CARD9: variants seen among roughly 807,000 people sequenced by gnomAD.
The protein encoded by CARD9 is caspase recruitment domain-containing protein 9.
In CARD9, 53 loss-of-function variants were observed where a neutral mutation model predicts 66.0. That is an observed-to-expected ratio of 0.80 (90% CI 0.64 to 1.01). The LOEUF is 1.01. CARD9 is among the 50% of genes least tolerant of loss of function. The pLI, the probability that CARD9 is intolerant of heterozygous loss-of-function variation, is 0.00. For missense variants in CARD9, 769 were observed against 743.2 expected, an observed-to-expected ratio of 1.03 and a Z score of -0.40; for synonymous variants, 387 against 313.8, an observed-to-expected ratio of 1.23 and a Z score of -2.47.
At chr9:136,372,722 C>T (rs1009896646) in intron 1 of CARD9, among the ~76,000 whole-genome samples, 8 of 152,244 alleles carry the variant, frequency 5.3e-5, no homozygotes, top group Non-Finnish European at 8.8e-5. Flanking sequence ...CAAGAGTGGC[C>T]ACCCAGCCCT....
chr9:136,372,632 G>GAC, intron 1 of CARD9, among the ~76,000 whole-genome samples: 1 of 152,344 alleles, frequency 6.6e-6, no homozygotes, highest in Middle Eastern at 3.4e-3. Flanking sequence ...GTTCTTGTGG[G>GAC]ACTTCCTCAT....
At chr9:136,367,379 G>GC in intron 8 of CARD9, 122 bp from the exon 9 acceptor site, 2 of 1,188,328 alleles carry the variant, frequency 1.7e-6, no homozygotes, top group Non-Finnish European at 2.4e-6. Context: ...GCCACACCAG[G>GC]CCCCCTCCAT....
At chr9:136,365,495 G>C in intron 10 of CARD9, 1 of 544,954 alleles carries the variant, frequency 1.8e-6, no homozygotes. Flanking sequence ...TGCCAGGGAG[G>C]AACGCCTCCC....
At chr9:136,368,843 G>A (rs1456032921) in intron 7 of CARD9, among the ~76,000 whole-genome samples, 3 of 150,484 alleles carry the variant, frequency 2.0e-5, no homozygotes, top group Admixed American at 6.6e-5. Flanking sequence ...TTTTTGAGAC[G>A]GAGTCTCGCT....
chr9:136,371,500 GCGAGGCAGAGGGCTGGGGT>G, intron 2 of CARD9, 39 bp from the exon 3 acceptor site: 4 of 1,547,508 alleles, frequency 2.6e-6, no homozygotes, highest in Non-Finnish European at 8.8e-7. Flanking sequence ...CGGGGCACAG[GCGAGGCAGAGGGCTGGGGT>G]GGGTGGGCCT....
chr9:136,365,091 G>A (rs747901751), intron 11 of CARD9, 50 bp downstream of exon 11: 17 of 1,583,274 alleles, frequency 1.1e-5, no homozygotes, highest in Non-Finnish European at 1.4e-5. Context: ...CCTGTGATCG[G>A]TCACCCTGAG....
At chr9:136,372,135 TG>T in intron 1 of CARD9, 41 bp from the exon 2 acceptor site, 4 of 1,604,812 alleles carry the variant, frequency 2.5e-6, no homozygotes, top group Non-Finnish European at 3.4e-6. Flanking sequence ...TGCCGGCTCC[TG>T]CCCCCACCCG....
rs1385668234 is a variant in CARD9 at position 136,364,073 on chromosome 9, G to C, written c.*229C>G. The C allele has an allele frequency of 5.2e-6, 8 of 1,547,416 alleles. No homozygotes were observed. Reference sequence around the variant, plus strand: ...CAGATCCTGAAGTTACACAGATGGCGTGTGCATGGGGGTGGTGAGCACCCG... The same window carrying C: ...CAGATCCTGAAGTTACACAGATGGCCTGTGCATGGGGGTGGTGAGCACCCG... On this transcript the variant is annotated 3_prime_UTR_variant, in exon 13 of 13. Coordinates refer to ENST00000371732, the MANE Select transcript of CARD9 (RefSeq NM_052813.5).
chr9:136,366,726 G>A, intron 10 of CARD9, 74 bp downstream of exon 10: 8 of 1,502,820 alleles, frequency 5.3e-6, no homozygotes, highest in Non-Finnish European at 7.4e-6. Flanking sequence ...TGCGGCACGG[G>A]CTGCCTGTGC....
In CARD9 at chr9:136,369,880, A is replaced by G; in HGVS notation, c.952-5T>C. 1 of 1,611,450 alleles carries G rather than the reference A, an allele frequency of 6.2e-7. No individual in the cohort carries two copies. The highest frequency in any genetic ancestry group is 1.1e-5 in the South Asian group (1 of 91,072). ...CATCTCCTTCTCCTCCATGCACTGC[A>G]GGGGGCGGCAGCTCAGCCCCCACAG... On this transcript the variant is annotated splice_polypyrimidine_tract_variant and splice_region_variant and intron_variant, in intron 6 of 12. Coordinates refer to ENST00000371732, the MANE Select transcript of CARD9 (RefSeq NM_052813.5).
intron 1 of CARD9, 51 bp from the exon 2 acceptor site, chr9:136,372,145 CG>C: frequency 1.3e-6 from 2 of 1,595,956 alleles, no homozygotes; most frequent in South Asian, 2.2e-5. Flanking sequence ...TGCCCCCACC[CG>C]GGCCCAGCTC....
intron 6 of CARD9, 88 bp downstream of exon 6, chr9:136,370,206 C>A: frequency 1.9e-6 from 3 of 1,540,600 alleles, no homozygotes; most frequent in Non-Finnish European, 2.6e-6. Context: ...TCTCCACACC[C>A]CACCTTCCAG....
chr9:136,370,095 G>A, intron 6 of CARD9, 199 bp downstream of exon 6: 2 of 1,391,038 alleles, frequency 1.4e-6, no homozygotes, highest in Non-Finnish European at 1.9e-6. Context: ...CAGGCACCAT[G>A]AGCCCAGAGG....
In CARD9 at chr9:136,367,711, C is replaced by CCTGCAG; in HGVS notation, c.1189_1194dup (p.Leu397_Gln398dup). On this transcript the variant is annotated inframe_insertion, in exon 8 of 13. Transcript: ENST00000371732. The stretch of plus-strand genomic sequence containing the variant: ...AGTAGCTGCGCCTCACACTGGAACA[C>CCTGCAG]CTGCAGCTGCAGCTCATCCGCCTTC... 1 of 1,604,328 alleles carries CCTGCAG rather than the reference C, an allele frequency of 6.2e-7. No homozygotes were observed. The highest frequency in any genetic ancestry group is 8.5e-7 in the Non-Finnish European group (1 of 1,179,192).
Position 136,373,529 on chromosome 9 carries a change from CACCT to C in CARD9, c.-18_-17+2del, listed in dbSNP as rs1265670147. The C allele has an allele frequency of 1.0e-6, 1 of 985,722 alleles. No individual in the cohort carries two copies. The highest frequency in any genetic ancestry group is 1.7e-5 in the African/African-American group (1 of 57,382). The allele number at this position is 985,722 out of a possible 1,614,324, so 61.1% of individuals were successfully genotyped here. On this transcript the variant is annotated splice_donor_variant and 5_prime_UTR_variant, in exon 1 of 13. Transcript: ENST00000371732. LOFTEE classifies it low-confidence loss of function (5UTR_SPLICE). The stretch of plus-strand genomic sequence containing the variant: ...CCTTTCAGAAAGCACCAGACCCACC[CACCT>C]GAGGGTCTTCCAGGAGCCACCTGCA...
chr9:136,370,148 C>CGTCCACTGTGCCTCCA, intron 6 of CARD9, 146 bp downstream of exon 6: 1 of 1,450,922 alleles, frequency 6.9e-7, no homozygotes, highest in Non-Finnish European at 9.2e-7. Context: ...GAGAGGGCAC[C>CGTCCACTGTGCCTCCA]GTCCACTGTG....
At chr9:136,373,187 A>C (rs550005956) in intron 1 of CARD9, among the ~76,000 whole-genome samples, 4 of 152,286 alleles carry the variant, frequency 2.6e-5, no homozygotes, top group African/African-American at 9.6e-5. Context: ...TGGTCTTTTG[A>C]GGCATTTCTC....
Position 136,370,988 on chromosome 9 carries a change from A to T in CARD9, c.480T>A (p.Arg160=), listed in dbSNP as rs35984637. ...KDSLLRKHQE[R]VQRLKEECEA... ...CGCACTCCTCCTTGAGCCTCTGCAC[A>T]CGCTCCTGGTGCTTGCGCAGCAGGC... Residue 160 remains arginine, a synonymous_variant, in exon 4 of 13, where the codon CGT becomes CGA. Coordinates refer to ENST00000371732, the MANE Select transcript of CARD9 (RefSeq NM_052813.5). 4 of 1,611,040 alleles carry T rather than the reference A, an allele frequency of 2.5e-6. No homozygotes were observed. In the African/African-American group the frequency reaches 4.0e-5, roughly 16 times the overall value.
chr9:136,365,459 A>G, intron 10 of CARD9: 1 of 572,560 alleles, frequency 1.7e-6, no homozygotes, highest in Middle Eastern at 4.6e-4. Context: ...CCCGCCAGTG[A>G]CCATCCCTCC....
Sources: allele counts gnomAD v4.1 joint callset (sites outside exome capture counted in the v4.1 genomes callset), GRCh38; gene constraint gnomAD v4.1.1; transcripts MANE v1.5; gene names NCBI Gene and HGNC (gene_info 2026-07-23, HGNC 2026-07-21).